Variants in CADM1 observed in about 807,000 individuals in gnomAD.
The protein encoded by CADM1 is cell adhesion molecule 1.
A neutral mutation model predicts 53.1 loss-of-function variants in CADM1; 15 were observed. The ratio of observed to expected loss-of-function variants is 0.28; its 90% CI spans 0.19 to 0.44. CADM1 has a LOEUF of 0.44. Among genes scored for constraint, CADM1 ranks in the 20% least tolerant of loss-of-function variants. The pLI is 1.00. For missense variants in CADM1, 434 were observed against 611.3 expected (o/e 0.71, Z 3.06); for synonymous variants, 281 against 243.0 (o/e 1.16, Z -1.45).
intron 1 of CADM1, among the ~76,000 whole-genome samples, chr11:115,257,211 C>G (rs1942819348): frequency 6.6e-6 from 1 of 152,036 alleles, no homozygotes; most frequent in Non-Finnish European, 1.5e-5. Context: ...ACTTGCTGTT[C>G]TATTCACTTT....
At chr11:115,311,345 A>G (rs1944527351) in intron 1 of CADM1, among the ~76,000 whole-genome samples, 1 of 152,128 alleles carries the variant, frequency 6.6e-6, no homozygotes, top group Admixed American at 6.6e-5. Context: ...GGTGTGAGGC[A>G]CTGGGCTAAG....
At position 115,492,369 on chromosome 11, in the gene CADM1, C is replaced by T. The variant is rs948671097; in HGVS notation, c.124+11902G>A. Among the ~76,000 whole-genome samples, 6 of 152,026 alleles carry T rather than the reference C, an allele frequency of 3.9e-5. No individual in the cohort carries two copies. The East Asian group carries it at 7.7e-4, about 20-fold the overall frequency. The stretch of plus-strand genomic sequence containing the variant: ...GGAATGGTACAAAAAACATAGGGAA[C>T]GAAATGAGAATGGACAGTTTTGATT... On this transcript the variant is annotated intron_variant, in intron 1 of 11. Transcript: ENST00000331581.
At chr11:115,419,692 CCT>C (rs1375630951) in intron 1 of CADM1, among the ~76,000 whole-genome samples, 4 of 151,930 alleles carry the variant, frequency 2.6e-5, no homozygotes, top group Non-Finnish European at 4.4e-5. Context: ...AAAATGAGCC[CCT>C]GAGACTCAAT....
At chr11:115,313,291 T>A (rs1397752315) in intron 1 of CADM1, among the ~76,000 whole-genome samples, 1 of 152,184 alleles carries the variant, frequency 6.6e-6, no homozygotes, top group Non-Finnish European at 1.5e-5. Flanking sequence ...TTCTACCATG[T>A]GTCCCAGACA....
chr11:115,306,950 A>C (rs1944391534), intron 1 of CADM1, among the ~76,000 whole-genome samples: 1 of 151,950 alleles, frequency 6.6e-6, no homozygotes, highest in South Asian at 2.1e-4. Flanking sequence ...TTCACTTTCA[A>C]ATTGAGAAGG....
At chr11:115,323,945 A>G (rs1030180476) in intron 1 of CADM1, among the ~76,000 whole-genome samples, 6 of 152,004 alleles carry the variant, frequency 3.9e-5, no homozygotes, top group Admixed American at 3.9e-4. Flanking sequence ...TTGGTCTAGG[A>G]TATGTTAAGT....
intron 1 of CADM1, among the ~76,000 whole-genome samples, chr11:115,433,126 C>T (rs1331947726): frequency 1.3e-5 from 2 of 151,904 alleles, no homozygotes; most frequent in African/African-American, 2.4e-5. Context: ...ACACAGACCA[C>T]CCCCCCACCC....
intron 1 of CADM1, among the ~76,000 whole-genome samples, chr11:115,272,070 A>G (rs1025800949): frequency 6.3e-5 from 8 of 126,250 alleles, no homozygotes; most frequent in African/African-American, 2.1e-4. Context: ...TTTCTGGTTC[A>G]TTATAGATTT....
intron 7 of CADM1, among the ~76,000 whole-genome samples, chr11:115,211,634 C>A (rs370563783): frequency 4.0e-5 from 6 of 150,896 alleles, no homozygotes; most frequent in Non-Finnish European, 7.4e-5. Context: ...CATGCGCCAC[C>A]ACACCCAGCT....
At chr11:115,464,849 G>A (rs993733900) in intron 1 of CADM1, among the ~76,000 whole-genome samples, 1 of 152,288 alleles carries the variant, frequency 6.6e-6, no homozygotes, top group Non-Finnish European at 1.5e-5. Context: ...TCACTTAAAA[G>A]ATGTTGCTCA....
At chr11:115,255,619 T>C (rs1942759707) in intron 1 of CADM1, among the ~76,000 whole-genome samples, 2 of 152,242 alleles carry the variant, frequency 1.3e-5, no homozygotes, top group African/African-American at 2.4e-5. Flanking sequence ...TATTCCTAGA[T>C]AACTTGTTTT....
chr11:115,444,854 A>G (rs1948413921), intron 1 of CADM1, among the ~76,000 whole-genome samples: 1 of 152,220 alleles, frequency 6.6e-6, no homozygotes, highest in East Asian at 1.9e-4. Context: ...AGAGGGAGAA[A>G]TCAACCATAG....
intron 1 of CADM1, among the ~76,000 whole-genome samples, chr11:115,405,397 C>T (rs1947288297): frequency 6.6e-6 from 1 of 152,202 alleles, no homozygotes; most frequent in South Asian, 2.1e-4. Flanking sequence ...CAGCCATGAG[C>T]ACAATCACGT....
In CADM1 at chr11:115,173,877, A is replaced by T; in HGVS notation, c.*2597T>A. 1.0e-6 allele frequency: 1 copy of T among 968,264 alleles called. No homozygotes were observed. Among genetic ancestry groups the T allele is most frequent in the South Asian group, 4.8e-5 (1 of 20,920 alleles). 60.0% of individuals were successfully genotyped at this position (968,264 alleles called of 1,614,324 possible). A position where few individuals can be genotyped will look rare whatever the true frequency, so the allele number is the denominator to read the frequency against. On this transcript the variant is annotated 3_prime_UTR_variant, in exon 12 of 12. Transcript: ENST00000331581. ...ATTTGGCATCAATTATACATCCTTCATTATTTTATATTCCTTTAAAAAACA... is the reference window on the plus strand; with the variant it reads ...ATTTGGCATCAATTATACATCCTTCTTTATTTTATATTCCTTTAAAAAACA...
At chr11:115,342,971 C>G (rs1945487275) in intron 1 of CADM1, among the ~76,000 whole-genome samples, 1 of 152,076 alleles carries the variant, frequency 6.6e-6, no homozygotes, top group Admixed American at 6.6e-5. Flanking sequence ...AGAACTTACC[C>G]TAAGGAAACA....
intron 7 of CADM1, among the ~76,000 whole-genome samples, chr11:115,211,132 C>T (rs573805732): frequency 4.6e-5 from 7 of 152,236 alleles, no homozygotes; most frequent in East Asian, 1.9e-4. Context: ...ATGAGAAATA[C>T]GGTGATTCAG....
At position 115,238,481 on chromosome 11, in the gene CADM1, C is replaced by G. The variant is rs200051854; in HGVS notation, c.424+19G>C. The G allele has an allele frequency of 2.8e-5, 45 of 1,613,128 alleles. No individual in the cohort carries two copies. The East Asian group carries it at 9.6e-4, about 34-fold the overall frequency. On this transcript the variant is annotated intron_variant, in intron 3 of 11. Coordinates refer to ENST00000331581, the MANE Select transcript of CADM1 (RefSeq NM_001301043.2). ...TCTCTATTCCATTTCCCCGGGTAAG[C>G]CCCACATGCGTTTCTTACCCAGGAC...
intron 1 of CADM1, among the ~76,000 whole-genome samples, chr11:115,432,967 CA>C (rs1948093534): frequency 2.0e-5 from 3 of 152,294 alleles, no homozygotes; most frequent in Admixed American, 2.0e-4. Flanking sequence ...ACCAGGTGAA[CA>C]AAAGGAATGC....
At chr11:115,447,317 T>C (rs1591251282) in intron 1 of CADM1, among the ~76,000 whole-genome samples, 1 of 152,184 alleles carries the variant, frequency 6.6e-6, no homozygotes, top group South Asian at 2.1e-4. Flanking sequence ...AACAAGTCAC[T>C]TAATCTCTGT....
Sources: allele counts gnomAD v4.1 joint callset (sites outside exome capture counted in the v4.1 genomes callset), GRCh38; gene constraint gnomAD v4.1.1; transcripts MANE v1.5; gene names NCBI Gene and HGNC (gene_info 2026-07-23, HGNC 2026-07-21).